Variants in ANO3 observed in about 807,000 individuals in gnomAD.
The protein encoded by ANO3 is anoctamin 3, also known as anoctamin-3.
A neutral mutation model predicts 144.8 loss-of-function variants in ANO3; 99 were observed. The observed-to-expected ratio is 0.68, with a 90% CI of 0.58 to 0.81. The LOEUF (loss-of-function observed/expected upper bound fraction) is 0.81, where lower values mean the gene tolerates loss of function less well. Ranked by LOEUF, ANO3 falls within the 30% of genes least tolerant of loss-of-function variation. ANO3 has a pLI of 0.00. For synonymous variants in ANO3, 414 were observed against 392.6 expected, an observed-to-expected ratio of 1.05 and a Z score of -0.64; for missense variants, 905 against 1,202.2, an observed-to-expected ratio of 0.75 and a Z score of 3.66.
chr11:26,531,399 T>G, intron 8 of ANO3, 63 bp downstream of exon 8: 2 of 1,516,206 alleles, frequency 1.3e-6, no homozygotes, highest in Non-Finnish European at 1.8e-6. Flanking sequence ...GTTTATAGAA[T>G]AAAAACACCT....
intron 1 of ANO3, among the ~76,000 whole-genome samples, chr11:26,265,146 C>A (rs1436221657): frequency 6.6e-6 from 1 of 152,086 alleles, no homozygotes; most frequent in Admixed American, 6.5e-5. Context: ...CAAAAATAGT[C>A]ATTATTTTTT....
rs759545694 is a variant in ANO3 at position 26,565,606 on chromosome 11, T to C, written c.1447+5827T>C. ...GCTGATGAGTTACTGGAGAAATCTG[T>C]TATTCCGTGGCTGTTGTTGGGTAGA... On this transcript the variant is annotated intron_variant, in intron 14 of 26. Coordinates refer to ENST00000256737, the MANE Select transcript of ANO3 (RefSeq NM_031418.4). The C allele has an allele frequency of 2.5e-6, 4 of 1,613,162 alleles. No homozygotes were observed. The African/African-American group carries it at 5.3e-5, about 22-fold the overall frequency.
chr11:26,444,808 A>G (rs1462960597), intron 3 of ANO3, among the ~76,000 whole-genome samples: 1 of 152,324 alleles, frequency 6.6e-6, no homozygotes, highest in African/African-American at 2.4e-5. Context: ...AATGACTGCA[A>G]ATTAGTCACA....
chr11:26,626,784 T>G (rs544876310), intron 18 of ANO3, among the ~76,000 whole-genome samples: 941 of 54,682 alleles, frequency 0.017, 6 homozygotes, highest in Non-Finnish European at 0.029. Flanking sequence ...ATTCAATAGT[T>G]TTTTTTTTCT....
At chr11:26,271,705 G>A (rs113708148) in intron 1 of ANO3, among the ~76,000 whole-genome samples, 4 of 135,264 alleles carry the variant, frequency 3.0e-5, no homozygotes, top group African/African-American at 9.9e-5. Context: ...ATTTTATAAT[G>A]CTGCTTTAAG....
At chr11:26,319,022 G>C (rs1242364985) in intron 1 of ANO3, among the ~76,000 whole-genome samples, 1 of 151,986 alleles carries the variant, frequency 6.6e-6, no homozygotes, top group African/African-American at 2.4e-5. Context: ...TGTTGCCCAG[G>C]CTGGAGTGGA....
chr11:26,238,829 G>T (rs531149325), intron 1 of ANO3, among the ~76,000 whole-genome samples: 1 of 151,814 alleles, frequency 6.6e-6, no homozygotes, highest in Admixed American at 6.6e-5. Context: ...CATTATATAT[G>T]GGTTTCAGAA....
intron 1 of ANO3, among the ~76,000 whole-genome samples, chr11:26,279,639 A>G (rs934785033): frequency 6.6e-6 from 1 of 152,192 alleles, no homozygotes; most frequent in Non-Finnish European, 1.5e-5. Context: ...TTCAAGTCAA[A>G]TCAAGATAGC....
intron 14 of ANO3, among the ~76,000 whole-genome samples, chr11:26,595,363 G>T (rs1223604514): frequency 1.3e-5 from 2 of 150,378 alleles, no homozygotes; most frequent in African/African-American, 2.5e-5. Context: ...CAACCCAGCT[G>T]CCCCATCCAG....
chr11:26,318,101 C>T (rs1854669731), intron 1 of ANO3, among the ~76,000 whole-genome samples: 1 of 152,004 alleles, frequency 6.6e-6, no homozygotes, highest in Non-Finnish European at 1.5e-5. Context: ...CACACCAGGG[C>T]CTGTCAGGGA....
chr11:26,592,734 A>G lies in ANO3; in HGVS notation c.1448-5631A>G, dbSNP rs185077448. Among the ~76,000 whole-genome samples the G allele has an allele frequency of 5.2e-3, 787 of 151,692 alleles. 4 individuals are homozygous for G. The highest frequency in any genetic ancestry group is 7.8e-3 in the Non-Finnish European group (527 of 67,934). ...TTGAAAAGGCCTGGTCCAGTAAATA[A>G]TGTTTTGGCCATCTGATGGGTGCTA... On this transcript the variant is annotated intron_variant, in intron 14 of 26. Coordinates refer to ENST00000256737, the MANE Select transcript of ANO3 (RefSeq NM_031418.4).
At chr11:26,222,539 T>C (rs1852168063) in intron 1 of ANO3, among the ~76,000 whole-genome samples, 1 of 152,232 alleles carries the variant, frequency 6.6e-6, no homozygotes, top group African/African-American at 2.4e-5. Flanking sequence ...ACCCCACATT[T>C]TCCCTCTCCT....
intron 1 of ANO3, among the ~76,000 whole-genome samples, chr11:26,194,439 G>GGTGTGTGTGTGTGTAT (rs1851538927): frequency 2.5e-4 from 15 of 60,612 alleles, no homozygotes; most frequent in African/African-American, 6.1e-4. Context: ...GGTACATAGT[G>GGTGTGTGTGTGTGTAT]GTGTGTGTGT....
Position 26,662,604 on chromosome 11 carries a change from T to C in ANO3, c.*2160T>C, listed in dbSNP as rs1284374492. 2 of 152,054 alleles carry C rather than the reference T, an allele frequency of 1.3e-5. No individual in the cohort carries two copies. The highest frequency in any genetic ancestry group is 2.9e-5 in the Non-Finnish European group (2 of 67,976). The allele number at this position is 152,054 out of a possible 1,614,324, so 9.4% of individuals were successfully genotyped here. A position where few individuals can be genotyped will look rare whatever the true frequency, so the allele number is the denominator to read the frequency against. On this transcript the variant is annotated 3_prime_UTR_variant, in exon 27 of 27. Transcript: ENST00000256737. ...CCTTTTTATATAGTCCCGTTAGGGT[T>C]TAAAACCATATTGATCAACTAGAAA... is the stretch of plus-strand genomic sequence containing the variant.
intron 1 of ANO3, among the ~76,000 whole-genome samples, chr11:26,278,108 T>C (rs1351897164): frequency 6.6e-6 from 1 of 152,074 alleles, no homozygotes; most frequent in African/African-American, 2.4e-5. Context: ...TTTCTCTGCT[T>C]CTGTGTGTGC....
chr11:26,611,597 A>G (rs1012806234), intron 17 of ANO3, among the ~76,000 whole-genome samples: 1 of 152,144 alleles, frequency 6.6e-6, no homozygotes, highest in African/African-American at 2.4e-5. Flanking sequence ...GTTGGATGGA[A>G]TGTTCTGTAA....
chr11:26,471,391 C>A (rs1196996348), intron 4 of ANO3, among the ~76,000 whole-genome samples: 1 of 151,822 alleles, frequency 6.6e-6, no homozygotes, highest in Non-Finnish European at 1.5e-5. Context: ...CAACAAACCC[C>A]TAAGTAAAAA....
intron 3 of ANO3, among the ~76,000 whole-genome samples, chr11:26,449,332 A>G (rs2134034017): frequency 6.6e-6 from 1 of 152,328 alleles, no homozygotes; most frequent in Non-Finnish European, 1.5e-5. Flanking sequence ...TCCAGAAGAC[A>G]GAAACTGTCA....
chr11:26,493,155 A>T (rs1860781124), intron 4 of ANO3, among the ~76,000 whole-genome samples: 1 of 152,146 alleles, frequency 6.6e-6, no homozygotes, highest in Admixed American at 6.5e-5. Flanking sequence ...GGCATTCAAA[A>T]ATTATTTTGT....
Sources: gnomAD v4.1 joint callset for allele counts (sites outside exome capture counted in the v4.1 genomes callset) on GRCh38, gnomAD v4.1.1 for gene constraint, MANE v1.5 for transcripts, NCBI Gene and HGNC (gene_info 2026-07-23, HGNC 2026-07-21) for gene names.